Variants in ST18 observed in about 807,000 individuals in gnomAD.
ST18 encodes ST18 C2H2C-type zinc finger transcription factor, also known as suppression of tumorigenicity 18 protein.
ST18 carries 50 observed loss-of-function variants against 110.0 expected under a neutral mutation model. The observed-to-expected ratio is 0.45, with a 90% CI of 0.36 to 0.58. The LOEUF (loss-of-function observed/expected upper bound fraction) is 0.58, where lower values mean the gene tolerates loss of function less well. Ranked by LOEUF, ST18 falls within the 20% of genes least tolerant of loss-of-function variation. The pLI, the probability that ST18 is intolerant of heterozygous loss-of-function variation, is 0.00. For missense variants in ST18, 1,306 were observed against 1,280.1 expected (o/e 1.02, Z -0.31); for synonymous variants, 461 against 452.4 (o/e 1.02, Z -0.24).
chr8:52,292,659 T>C (rs2139373967), intron 2 of ST18, among the ~76,000 whole-genome samples: 1 of 152,332 alleles, frequency 6.6e-6, no homozygotes, highest in Admixed American at 6.5e-5. Flanking sequence ...TCACTGGGAA[T>C]ACCGAGGAAG....
At chr8:52,211,330 T>C (rs983024303) in intron 8 of ST18, among the ~76,000 whole-genome samples, 2 of 151,440 alleles carry the variant, frequency 1.3e-5, no homozygotes, top group African/African-American at 2.4e-5. Context: ...GGTCACATTA[T>C]GTTCCCATGT....
chr8:52,370,776 C>T (rs1054275872), intron 2 of ST18, among the ~76,000 whole-genome samples: 1 of 152,258 alleles, frequency 6.6e-6, no homozygotes, highest in South Asian at 2.1e-4. Context: ...TACTCATTGT[C>T]TCTTGTCCTT....
At chr8:52,351,733 C>A (rs773003138) in intron 2 of ST18, among the ~76,000 whole-genome samples, 2 of 152,134 alleles carry the variant, frequency 1.3e-5, no homozygotes, top group African/African-American at 2.4e-5. Context: ...AGACTTGGGG[C>A]AACTTCTTTA....
At chr8:52,148,600 C>G (rs944061165) in intron 16 of ST18, among the ~76,000 whole-genome samples, 2 of 151,472 alleles carry the variant, frequency 1.3e-5, no homozygotes, top group African/African-American at 4.9e-5. Flanking sequence ...GCTGTATCTC[C>G]AGGTCCCATG....
At chr8:52,249,448 T>A (rs2094120971) in intron 2 of ST18, 1 of 152,220 alleles carries the variant, frequency 6.6e-6, no homozygotes, top group Non-Finnish European at 1.5e-5. Flanking sequence ...GTTAGTCCAG[T>A]GTTTGTGTCG....
At chr8:52,380,237 A>T (rs985221639) in intron 2 of ST18, among the ~76,000 whole-genome samples, 4 of 152,216 alleles carry the variant, frequency 2.6e-5, no homozygotes, top group African/African-American at 9.7e-5. Flanking sequence ...ACATAAATTT[A>T]TGATATTCAT....
chr8:52,377,466 G>A lies in ST18; in HGVS notation c.-465+31862C>T, dbSNP rs1189098017. On this transcript the variant is annotated intron_variant, in intron 2 of 25. Transcript: ENST00000689386. ...GATAACATTTCATGTTGTGGTTCATGAGGGTAGTTCAGCCTTAGAAAGAGC... is the reference window on the plus strand; with the variant it reads ...GATAACATTTCATGTTGTGGTTCATAAGGGTAGTTCAGCCTTAGAAAGAGC... Among the ~76,000 whole-genome samples, 14 of 152,244 alleles carry A rather than the reference G, an allele frequency of 9.2e-5. No individual in the cohort carries two copies. The East Asian group carries it at 2.7e-3, about 29-fold the overall frequency.
rs1563896925 is a variant in ST18, at chr8:52,178,637, A to AC, written c.277+1484_277+1485insG. ...ATCAAAAAAAAAAAAAAAAAAAAAA[A>AC]AAAAAACCACCAAAAACCAAAATAA... On this transcript the variant is annotated intron_variant, in intron 9 of 25. Transcript: ENST00000689386. Among the ~76,000 whole-genome samples, 6 of 131,940 alleles carry AC rather than the reference A, an allele frequency of 4.5e-5. 1 individual carries two copies. The highest frequency in any genetic ancestry group is 4.2e-4 in the East Asian group (2 of 4,798). 86.6% of individuals were successfully genotyped at this position (131,940 alleles called of 152,430 possible). A position where few individuals can be genotyped will look rare whatever the true frequency, so the allele number is the denominator to read the frequency against.
intron 2 of ST18, among the ~76,000 whole-genome samples, chr8:52,346,640 A>G (rs1453753335): frequency 6.6e-6 from 1 of 152,256 alleles, no homozygotes; most frequent in African/African-American, 2.4e-5. Context: ...CTCGCTAGCC[A>G]CACTGTTGCT....
intron 22 of ST18, among the ~76,000 whole-genome samples, chr8:52,130,119 A>AAAGAAAAAGAAAG (rs67888949): frequency 1.9e-5 from 2 of 105,242 alleles, no homozygotes; most frequent in East Asian, 5.6e-4. Context: ...AGAAAGAAAG[A>AAAGAAAAAGAAAG]AAAGAAAGAA....
At chr8:52,268,556 A>G (rs2094960997) in intron 2 of ST18, among the ~76,000 whole-genome samples, 1 of 151,940 alleles carries the variant, frequency 6.6e-6, no homozygotes, top group Admixed American at 6.6e-5. Context: ...CTATTTATCT[A>G]TCTATCATCT....
chr8:52,294,854 C>T (rs1379956114), intron 2 of ST18, among the ~76,000 whole-genome samples: 2 of 152,216 alleles, frequency 1.3e-5, no homozygotes, highest in Non-Finnish European at 2.9e-5. Context: ...TCTCTGGACT[C>T]ATGGCTACTC....
intron 2 of ST18, among the ~76,000 whole-genome samples, chr8:52,241,029 A>G (rs1341919431): frequency 2.0e-5 from 3 of 152,176 alleles, no homozygotes; most frequent in African/African-American, 7.2e-5. Context: ...TTCCTTCTGA[A>G]TCTCCTATCT....
chr8:52,391,389 C>A, intron 2 of ST18, among the ~76,000 whole-genome samples: 1 of 152,178 alleles, frequency 6.6e-6, no homozygotes, highest in South Asian at 2.1e-4. Context: ...CAGCAGAGAG[C>A]AGACACTACA....
At chr8:52,206,127 G>A (rs1370041184) in intron 8 of ST18, among the ~76,000 whole-genome samples, 1 of 152,140 alleles carries the variant, frequency 6.6e-6, no homozygotes, top group Non-Finnish European at 1.5e-5. Flanking sequence ...CCCTGTCACA[G>A]GCCAGGTATA....
At chr8:52,265,723 T>TA (rs1398090995) in intron 2 of ST18, among the ~76,000 whole-genome samples, 2 of 152,220 alleles carry the variant, frequency 1.3e-5, no homozygotes, top group East Asian at 3.9e-4. Flanking sequence ...GTTAGGAAAA[T>TA]AGAGTTATCT....
chr8:52,376,445 C>T (rs879933671), intron 2 of ST18, among the ~76,000 whole-genome samples: 1 of 152,180 alleles, frequency 6.6e-6, no homozygotes. Flanking sequence ...TTTGTGCAAA[C>T]CTCACCTTCC....
intron 9 of ST18, 129 bp downstream of exon 9, chr8:52,179,993 C>A: frequency 9.8e-7 from 1 of 1,018,916 alleles, no homozygotes. Context: ...ATAAATGTTT[C>A]ATTTTGCTTC....
chr8:52,133,683 C>A (rs575015624), intron 19 of ST18, among the ~76,000 whole-genome samples: 2 of 150,176 alleles, frequency 1.3e-5, no homozygotes, highest in African/African-American at 4.9e-5. Context: ...AAGTTCTTAC[C>A]TTTTATGTAA....
Sources: gnomAD v4.1 joint callset for allele counts (sites outside exome capture counted in the v4.1 genomes callset) on GRCh38, gnomAD v4.1.1 for gene constraint, MANE v1.5 for transcripts, NCBI Gene and HGNC (gene_info 2026-07-23, HGNC 2026-07-21) for gene names.